PTPRB: variants seen among roughly 807,000 people sequenced by gnomAD.
PTPRB encodes the protein protein tyrosine phosphatase receptor type B, also known as receptor-type tyrosine-protein phosphatase beta.
A neutral mutation model predicts 238.1 loss-of-function variants in PTPRB; 97 were observed. The observed-to-expected ratio is 0.41, with a 90% CI of 0.35 to 0.48. PTPRB has a LOEUF of 0.48. PTPRB is among the 20% of genes least tolerant of loss of function. The pLI, the probability that PTPRB is intolerant of heterozygous loss-of-function variation, is 0.30. For missense variants in PTPRB, 2,292 were observed against 2,681.9 expected (o/e 0.85, Z 3.21); for synonymous variants, 970 against 995.4 (o/e 0.97, Z 0.48).
chr12:70,619,350 T>C (rs1158594851), intron 3 of PTPRB, among the ~76,000 whole-genome samples: 2 of 142,220 alleles, frequency 1.4e-5, no homozygotes, highest in East Asian at 4.2e-4. Flanking sequence ...GATACTATGG[T>C]AGATTGCTTA....
At chr12:70,576,671 G>GGGGGGGGT (rs1880776919) in intron 10 of PTPRB, 26 bp from the exon 11 acceptor site, 2 of 243,944 alleles carry the variant, frequency 8.2e-6, no homozygotes, top group Non-Finnish European at 1.5e-5. Flanking sequence ...GTGGGGGGCG[G>GGGGGGGGT]GGGGGGGGGG....
intron 2 of PTPRB, among the ~76,000 whole-genome samples, chr12:70,625,868 A>G (rs1419927305): frequency 2.0e-5 from 3 of 152,162 alleles, no homozygotes; most frequent in African/African-American, 7.2e-5. Flanking sequence ...GTCAATCTAA[A>G]AAGTTTTAGC....
intron 15 of PTPRB, 133 bp downstream of exon 15, chr12:70,566,300 CAG>C (rs1406193202): frequency 6.1e-6 from 7 of 1,149,236 alleles, no homozygotes; most frequent in Non-Finnish European, 8.4e-6. Flanking sequence ...AGTGGCAAAT[CAG>C]GGTGAATGTT....
chr12:70,592,050 A>G, intron 7 of PTPRB: 1 of 580,410 alleles, frequency 1.7e-6, no homozygotes, highest in Non-Finnish European at 3.0e-6. Flanking sequence ...TACTTAAGTG[A>G]CGTGACATGA....
At chr12:70,609,744 CTT>C (rs3217500) in intron 3 of PTPRB, 173,177 of 1,567,818 alleles carry the variant, frequency 0.11, 15,186 homozygotes, top group African/African-American at 0.38. Flanking sequence ...GCTCTGACCC[CTT>C]CTCGGGCCAC....
At position 70,590,769 on chromosome 12, in the gene PTPRB, C is replaced by T. The variant is rs151147414; in HGVS notation, c.1781-536G>A. On this transcript the variant is annotated intron_variant, in intron 7 of 33. Transcript: ENST00000334414. ...CTCTCCTTCCCTACCCTTTGGAAAGCTGGCTTCCGGTTGTATGTTCTGTAG... is the reference window on the plus strand; with the variant it reads ...CTCTCCTTCCCTACCCTTTGGAAAGTTGGCTTCCGGTTGTATGTTCTGTAG... 1.1e-4 allele frequency among the ~76,000 whole-genome samples: 16 copies of T among 151,980 alleles called. No homozygotes were observed. The East Asian group carries it at 2.9e-3, about 28-fold the overall frequency.
intron 3 of PTPRB, among the ~76,000 whole-genome samples, chr12:70,621,690 G>A (rs1884942405): frequency 6.6e-6 from 1 of 152,190 alleles, no homozygotes; most frequent in Non-Finnish European, 1.5e-5. Context: ...AATGATTTGG[G>A]TTGTTTATTA....
chr12:70,626,357 ATC>A lies in PTPRB; in HGVS notation c.452-3713_452-3712del, dbSNP rs1566023293. 3.5e-4 allele frequency among the ~76,000 whole-genome samples: 46 copies of A among 131,488 alleles called. 1 individual carries two copies. Among genetic ancestry groups the A allele is most frequent in the Admixed American group, 2.9e-3 (38 of 12,924 alleles). The allele number at this position is 131,488 out of a possible 152,430, so 86.3% of individuals were successfully genotyped here. The stretch of plus-strand genomic sequence containing the variant: ...TATCTATCTATCTATCTATCTATCT[ATC>A]TATCTATATTCCTGCCTGCCTGCCT... On this transcript the variant is annotated intron_variant, in intron 2 of 33. Transcript: ENST00000334414.
intron 12 of PTPRB, chr12:70,571,490 T>C (rs1194697505): frequency 3.3e-6 from 2 of 610,324 alleles, no homozygotes; most frequent in African/African-American, 3.7e-5. Context: ...AAATGTTACA[T>C]GATCAGCATT....
rs1308395527 is a variant in PTPRB, at chr12:70,592,565, A to C, written c.1517-20T>G. 1 of 1,605,888 alleles carries C rather than the reference A, an allele frequency of 6.2e-7. No individual in the cohort carries two copies. The highest frequency in any genetic ancestry group is 8.5e-7 in the Non-Finnish European group (1 of 1,176,280). On this transcript the variant is annotated intron_variant, in intron 6 of 33. Coordinates refer to ENST00000334414, the MANE Select transcript of PTPRB (RefSeq NM_001109754.4). ...TGGGGGCTAATCAGGAAAGAACAGA[A>C]AGGAGACTTTTACTCAGGATCTCTC...
chr12:70,538,871 AT>A, intron 27 of PTPRB, 52 bp downstream of exon 27: 9 of 1,414,548 alleles, frequency 6.4e-6, no homozygotes, highest in Non-Finnish European at 8.9e-6. Context: ...TTGGAGAAAA[AT>A]GCAGAAATGG....
At chr12:70,628,209 T>A (rs1285888404) in intron 2 of PTPRB, among the ~76,000 whole-genome samples, 1 of 152,164 alleles carries the variant, frequency 6.6e-6, no homozygotes. Context: ...TGCCCTCAGA[T>A]AAAGGTGAGA....
chr12:70,627,389 G>A (rs1885254254), intron 2 of PTPRB, among the ~76,000 whole-genome samples: 1 of 152,232 alleles, frequency 6.6e-6, no homozygotes, highest in African/African-American at 2.4e-5. Context: ...TAGGGCCCAT[G>A]ATAATTTTAG....
intron 8 of PTPRB, 39 bp from the exon 9 acceptor site, chr12:70,587,306 G>A (rs765739534): frequency 1.9e-6 from 3 of 1,605,274 alleles, no homozygotes; most frequent in Non-Finnish European, 2.6e-6. Flanking sequence ...TTGATGGACT[G>A]AGGCATATTC....
intron 27 of PTPRB, 185 bp downstream of exon 27, chr12:70,538,739 A>G (rs1874565563): frequency 1.7e-6 from 1 of 596,868 alleles, no homozygotes; most frequent in Non-Finnish European, 3.0e-6. Context: ...CAGAATTTAA[A>G]CTGGCTATTA....
Position 70,590,207 on chromosome 12 carries a change from C to T in PTPRB, c.1807G>A (p.Ala603Thr). The stretch of plus-strand genomic sequence containing the variant: ...GACCTCATCCTGCCATTATTGTTTG[C>T]CTCCAGGTTTGCAACTTTGTCTGGA... ...TFPDKVANLE[A>T]NNNGRMRSLV... The change falls in exon 8 of 34, where the codon GCA (alanine) becomes ACA (threonine). Residue 603 changes from alanine to threonine, a missense_variant. Ala to Thr is a moderately conservative substitution (Grantham distance 58, BLOSUM62 0). Transcript: ENST00000334414. The T allele has an allele frequency of 1.3e-6, 2 of 1,573,676 alleles. No homozygotes were observed. The highest frequency in any genetic ancestry group is 1.7e-6 in the Non-Finnish European group (2 of 1,158,386).
rs776214360 is a variant in PTPRB, at chr12:70,538,160, T to G, written c.5941A>C (p.Ile1981Leu). 2 of 1,613,296 alleles carry G rather than the reference T, an allele frequency of 1.2e-6. No homozygotes were observed. Among genetic ancestry groups the G allele is most frequent in the South Asian group, 2.2e-5 (2 of 91,006 alleles). Residue 1981 changes from isoleucine (I) to leucine (L), a missense_variant, in exon 28 of 34, where the codon ATC (isoleucine) becomes CTC (leucine). Transcript: ENST00000334414. ...TGGCCTAGTGGGTCACTTACAGGGA[T>G]GTAGCTGGCATTGATGTAGTCAGAG... is the stretch of plus-strand genomic sequence containing the variant. ...PCSDYINASYIPGNNFRREYI... is the reference protein window; with the variant it reads ...PCSDYINASYLPGNNFRREYI...
chr12:70,613,079 G>A, intron 3 of PTPRB, among the ~76,000 whole-genome samples: 1 of 152,140 alleles, frequency 6.6e-6, no homozygotes, highest in East Asian at 1.9e-4. Flanking sequence ...GGGTCATCAA[G>A]GGGTCTGGGA....
chr12:70,559,037 T>C, intron 18 of PTPRB: 1 of 494,626 alleles, frequency 2.0e-6, no homozygotes, highest in Non-Finnish European at 3.6e-6. Flanking sequence ...TTGTATTGGG[T>C]CAGATTACCT....
Sources: allele counts gnomAD v4.1 joint callset (sites outside exome capture counted in the v4.1 genomes callset), GRCh38; gene constraint gnomAD v4.1.1; transcripts MANE v1.5; gene names NCBI Gene and HGNC (gene_info 2026-07-23, HGNC 2026-07-21).